The following CSRNP3 variants were observed in gnomAD, a reference collection of about 807,000 sequenced individuals.
CSRNP3 encodes cysteine/serine-rich nuclear protein 3.
In CSRNP3, 12 loss-of-function variants were observed where a neutral mutation model predicts 48.0. That is an observed-to-expected ratio of 0.25 (90% confidence interval 0.16 to 0.41). The LOEUF is 0.41. Ranked by LOEUF, CSRNP3 falls within the 10% of genes least tolerant of loss-of-function variation. The probability of loss-of-function intolerance (pLI) is 1.00; values close to 1 mark genes in which losing one functional copy is unlikely to be tolerated. For missense variants in CSRNP3, 580 were observed against 724.4 expected (o/e 0.80, Z 2.29); for synonymous variants, 263 against 269.7 (o/e 0.98, Z 0.24).
At chr2:165,651,415 C>G (rs566350563) in intron 4 of CSRNP3, among the ~76,000 whole-genome samples, 26 of 152,310 alleles carry the variant, frequency 1.7e-4, no homozygotes, top group African/African-American at 6.0e-4. Context: ...ACTTGATATA[C>G]TCATCCCCTG....
At chr2:165,615,499 C>T (rs559044443) in intron 4 of CSRNP3, among the ~76,000 whole-genome samples, 22 of 150,848 alleles carry the variant, frequency 1.5e-4, no homozygotes, top group East Asian at 3.9e-4. Flanking sequence ...GCCAAGATTG[C>T]GCCACTGCAC....
chr2:165,669,233 A>T (rs570096860), intron 5 of CSRNP3, among the ~76,000 whole-genome samples: 1 of 152,294 alleles, frequency 6.6e-6, no homozygotes, highest in Non-Finnish European at 1.5e-5. Flanking sequence ...TGACCAGAAA[A>T]TTTTGTTAGT....
chr2:165,655,767 T>A (rs1032957706), intron 4 of CSRNP3, among the ~76,000 whole-genome samples: 16 of 152,170 alleles, frequency 1.1e-4, no homozygotes, highest in African/African-American at 3.9e-4. Context: ...TGGTGGAGAA[T>A]CTCCATCTCC....
At chr2:165,666,141 GGAAA>G (rs1687193252) in intron 5 of CSRNP3, among the ~76,000 whole-genome samples, 4 of 100,454 alleles carry the variant, frequency 4.0e-5, no homozygotes, top group Non-Finnish European at 6.0e-5. Context: ...AAGGAAGGAA[GGAAA>G]GAGAGAGGAA....
chr2:165,599,315 A>G lies in CSRNP3; in HGVS notation c.148+4102A>G, dbSNP rs535611063. Among the ~76,000 whole-genome samples, 5 of 151,096 alleles carry G rather than the reference A, an allele frequency of 3.3e-5. No individual in the cohort carries two copies. In the East Asian group the frequency reaches 9.8e-4, roughly 30 times the overall value. Reference sequence around the variant, plus strand: ...AAAGAAAGAAAGAAAGAAAGAAAGAAAGAAAGAAAGAAAGGAAAAGAAAAA... The same window carrying G: ...AAAGAAAGAAAGAAAGAAAGAAAGAGAGAAAGAAAGAAAGGAAAAGAAAAA... On this transcript the variant is annotated intron_variant, in intron 4 of 6. Transcript: ENST00000651982.
chr2:165,610,538 G>GT (rs1376394440), intron 4 of CSRNP3, among the ~76,000 whole-genome samples: 3 of 152,064 alleles, frequency 2.0e-5, no homozygotes, highest in African/African-American at 4.8e-5. Flanking sequence ...TGGCCTCTTG[G>GT]TTTTTTCTGA....
intron 4 of CSRNP3, among the ~76,000 whole-genome samples, chr2:165,633,246 T>C (rs549581171): frequency 2.0e-4 from 30 of 152,344 alleles, no homozygotes; most frequent in African/African-American, 6.0e-4. Flanking sequence ...TTGTCTTTTA[T>C]TGTTTATTTC....
intron 1 of CSRNP3, among the ~76,000 whole-genome samples, chr2:165,477,466 A>ATATAT (rs1553469297): frequency 7.6e-6 from 1 of 131,112 alleles, no homozygotes; most frequent in African/African-American, 2.8e-5. Flanking sequence ...TAAAAATACA[A>ATATAT]ATATATATAT....
Position 165,595,195 on chromosome 2 carries a change from A to G in CSRNP3, c.130A>G (p.Thr44Ala). ...CAGTGGGGACAGTGTCAATCCATCC[A>G]CTTCTAGTCATTTTACCCGTGAGTA... is the stretch of plus-strand genomic sequence containing the variant. ...ADSGDSVNPS[T>A]SSHFTPSSIL... is the part of the protein sequence containing the mutation. Residue 44 changes from threonine (T) to alanine (A), a missense_variant, in exon 4 of 7, where the codon ACT (threonine) becomes GCT (alanine). Coordinates refer to ENST00000651982, the MANE Select transcript of CSRNP3 (RefSeq NM_001172173.2). The G allele has an allele frequency of 6.2e-7, 1 of 1,612,934 alleles. No homozygotes were observed. Among genetic ancestry groups the G allele is most frequent in the Non-Finnish European group, 8.5e-7 (1 of 1,179,118 alleles).
intron 3 of CSRNP3, among the ~76,000 whole-genome samples, chr2:165,553,560 T>A (rs1180528069): frequency 6.6e-6 from 1 of 152,198 alleles, no homozygotes; most frequent in East Asian, 1.9e-4. Context: ...TTCCTCCCTA[T>A]CCAGAAGATT....
intron 3 of CSRNP3, among the ~76,000 whole-genome samples, chr2:165,592,244 G>A (rs1435564269): frequency 6.6e-6 from 1 of 152,170 alleles, no homozygotes; most frequent in Non-Finnish European, 1.5e-5. Flanking sequence ...AGACTTGCAT[G>A]GGCCTGTAGC....
chr2:165,488,858 T>C (rs1309735745), intron 1 of CSRNP3, among the ~76,000 whole-genome samples: 1 of 83,698 alleles, frequency 1.2e-5, no homozygotes, highest in Non-Finnish European at 2.4e-5. Context: ...AGATCCAAAA[T>C]TGACACCCTA....
intron 4 of CSRNP3, among the ~76,000 whole-genome samples, chr2:165,604,922 T>TA (rs1335248789): frequency 2.6e-5 from 4 of 152,210 alleles, no homozygotes; most frequent in African/African-American, 7.2e-5. Flanking sequence ...CTGAGATTTT[T>TA]AAAAATTATT....
intron 3 of CSRNP3, among the ~76,000 whole-genome samples, chr2:165,547,152 T>G (rs1277975779): frequency 6.6e-6 from 1 of 152,148 alleles, no homozygotes; most frequent in Non-Finnish European, 1.5e-5. Context: ...CTGATGAACC[T>G]CATTCATTTT....
chr2:165,546,085 A>C (rs953859442), intron 3 of CSRNP3, among the ~76,000 whole-genome samples: 1 of 152,220 alleles, frequency 6.6e-6, no homozygotes, highest in African/African-American at 2.4e-5. Context: ...GCCTGAAATC[A>C]TAACATGAAG....
At chr2:165,638,178 T>G (rs1471479583) in intron 4 of CSRNP3, among the ~76,000 whole-genome samples, 2 of 152,206 alleles carry the variant, frequency 1.3e-5, no homozygotes, top group Non-Finnish European at 2.9e-5. Context: ...AATCATTTTC[T>G]AGGCTGGGAG....
intron 4 of CSRNP3, among the ~76,000 whole-genome samples, chr2:165,617,141 T>C (rs528906334): frequency 3.1e-4 from 47 of 152,296 alleles, no homozygotes; most frequent in African/African-American, 1.1e-3. Context: ...GAATTACTTA[T>C]CAGGCATTTC....
intron 5 of CSRNP3, among the ~76,000 whole-genome samples, chr2:165,672,502 A>G (rs1687347435): frequency 6.6e-6 from 1 of 152,282 alleles, no homozygotes; most frequent in Admixed American, 6.5e-5. Context: ...TATGGTGAGA[A>G]AAGTATGGGA....
At chr2:165,496,317 G>C (rs1684283263) in intron 2 of CSRNP3, among the ~76,000 whole-genome samples, 1 of 151,952 alleles carries the variant, frequency 6.6e-6, no homozygotes, top group Non-Finnish European at 1.5e-5. Flanking sequence ...TCAGAAGATA[G>C]GTTTTGTTTG....
Sources: allele counts gnomAD v4.1 joint callset (sites outside exome capture counted in the v4.1 genomes callset), GRCh38; gene constraint gnomAD v4.1.1; transcripts MANE v1.5; gene names NCBI Gene and HGNC (gene_info 2026-07-23, HGNC 2026-07-21).